Variants in MYH15 observed in about 807,000 individuals in gnomAD.
The protein encoded by MYH15 is myosin heavy chain 15.
In MYH15, 227 loss-of-function variants were observed where a neutral mutation model predicts 240.5. That is an observed-to-expected ratio of 0.94 (90% CI 0.85 to 1.05). MYH15 has a LOEUF of 1.05. Among genes scored for constraint, MYH15 ranks in the 50% least tolerant of loss-of-function variants. MYH15 has a pLI of 0.00. For synonymous variants in MYH15, 785 were observed against 796.7 expected, an observed-to-expected ratio of 0.99 and a Z score of 0.25; for missense variants, 2,217 against 2,247.5, an observed-to-expected ratio of 0.99 and a Z score of 0.27.
rs752597945 is a variant in MYH15, at chr3:108,391,757, T to C, written c.5430+3A>G. ...AAGCCCTCATGATTACCCAGACTCC[T>C]ACCCTGGATTCTAGTTTCTGGATTT... is the stretch of plus-strand genomic sequence containing the variant. On this transcript the variant is annotated splice_donor_region_variant and intron_variant, in intron 37 of 40. Transcript: ENST00000693548. The C allele has an allele frequency of 9.3e-6, 15 of 1,613,050 alleles. No homozygotes were observed. The highest frequency in any genetic ancestry group is 1.2e-5 in the Non-Finnish European group (14 of 1,179,536).
chr3:108,536,978 T>C, the MYH15 span, among the ~76,000 whole-genome samples: 10 of 152,154 alleles, frequency 6.6e-5, no homozygotes, highest in Non-Finnish European at 1.5e-5. Flanking sequence ...CAGCTACTTC[T>C]CCCACGTGGC....
intron 25 of MYH15, among the ~76,000 whole-genome samples, chr3:108,437,238 G>C (rs910560389): frequency 6.7e-6 from 1 of 149,350 alleles, no homozygotes; most frequent in African/African-American, 2.5e-5. Flanking sequence ...TGAGTAAAAA[G>C]AAGAGTGTCA....
In MYH15 at chr3:108,463,188, G is replaced by A; in HGVS notation, c.1787C>T (p.Thr596Ile). 6.2e-7 allele frequency: 1 copy of A among 1,612,954 alleles called. No individual in the cohort carries two copies. The highest frequency in any genetic ancestry group is 8.5e-7 in the Non-Finnish European group (1 of 1,179,442). ...LEKNKDLLNE[T>I]VVAVFQKSSN... ...AGACTTCTGAAATACAGCTACCACT[G>A]TTTCATTAAGGAGGTCTTTGTTCTT... Residue 596 changes from threonine to isoleucine, a missense_variant, in exon 16 of 41, where the codon ACA becomes ATA. Physicochemically the swap from Thr to Ile is moderately conservative, Grantham distance 89 (BLOSUM62 -1). Coordinates refer to ENST00000693548, the MANE Select transcript of MYH15 (RefSeq NM_014981.3).
upstream of MYH15, among the ~76,000 whole-genome samples, chr3:108,531,803 A>AATAAATACATAC: frequency 6.6e-6 from 1 of 150,764 alleles, no homozygotes; most frequent in East Asian, 1.9e-4. Flanking sequence ...TAAATAAATA[A>AATAAATACATAC]ATACATAAAT....
intron 35 of MYH15, among the ~76,000 whole-genome samples, chr3:108,395,623 T>G (rs2082454114): frequency 7.1e-6 from 1 of 140,464 alleles, no homozygotes; most frequent in South Asian, 2.3e-4. Flanking sequence ...CTAATTTGTT[T>G]TTTTTTTCTT....
chr3:108,421,252 G>C (rs751076219), intron 27 of MYH15, 38 bp from the exon 28 acceptor site: 10 of 1,599,922 alleles, frequency 6.3e-6, no homozygotes, highest in Non-Finnish European at 7.7e-6. Context: ...AGGGCTCACA[G>C]AGGATACTCT....
chr3:108,437,136 C>T (rs1323666651), intron 25 of MYH15, among the ~76,000 whole-genome samples: 1 of 150,494 alleles, frequency 6.6e-6, no homozygotes, highest in Non-Finnish European at 1.5e-5. Flanking sequence ...GTCTGGCAAA[C>T]ATATATTATT....
chr3:108,548,292 G>T, the MYH15 span, among the ~76,000 whole-genome samples: 1 of 152,032 alleles, frequency 6.6e-6, no homozygotes, highest in African/African-American at 2.4e-5. Context: ...GATAGAAAAA[G>T]ATATATCAGG....
intron 39 of MYH15, among the ~76,000 whole-genome samples, chr3:108,384,129 C>G (rs376274031): frequency 1.3e-5 from 2 of 152,224 alleles, no homozygotes; most frequent in East Asian, 3.9e-4. Flanking sequence ...TGGGCTAGAA[C>G]AGGTAGTGTT....
intron 38 of MYH15, among the ~76,000 whole-genome samples, chr3:108,385,745 CTTT>C (rs906583491): frequency 2.6e-5 from 4 of 152,052 alleles, no homozygotes; most frequent in African/African-American, 9.7e-5. Context: ...CAAGTATGAA[CTTT>C]TTTGGCAGCT....
At chr3:108,549,974 T>C in the MYH15 span, 1 of 152,022 alleles carries the variant, frequency 6.6e-6, no homozygotes, top group African/African-American at 2.4e-5. Flanking sequence ...GTATCTCCTC[T>C]ATAGAACAAA....
Position 108,410,806 on chromosome 3 carries a change from G to A in MYH15, c.4272C>T (p.Leu1424=), listed in dbSNP as rs751707221. 33 of 1,613,990 alleles carry A rather than the reference G, an allele frequency of 2.0e-5. No individual in the cohort carries two copies. Among genetic ancestry groups the A allele is most frequent in the Admixed American group, 6.7e-5 (4 of 60,010 alleles). Residue 1424 remains leucine (L), a synonymous_variant, in exon 31 of 41, where the codon CTC becomes CTT. Coordinates refer to ENST00000693548, the MANE Select transcript of MYH15 (RefSeq NM_014981.3). ...QLELGDALSD[L]GKVRSAAARL... ...TGGCTGCTGCAGAGCGGACCTTCCC[G>A]AGGTCAGACAGGGCGTCCCCGAGCT...
chr3:108,490,086 T>C (rs1253400583), intron 9 of MYH15, among the ~76,000 whole-genome samples: 2 of 151,798 alleles, frequency 1.3e-5, no homozygotes, highest in African/African-American at 4.9e-5. Context: ...AGTTGCTCTA[T>C]ACCATCCAGA....
chr3:108,501,948 G>T, intron 2 of MYH15, 93 bp from the exon 3 acceptor site: 1 of 1,373,326 alleles, frequency 7.3e-7, no homozygotes, highest in Non-Finnish European at 1.0e-6. Context: ...GACTCAAAAA[G>T]AAAAAATGAT....
chr3:108,445,765 T>G (rs1463928242), intron 21 of MYH15, among the ~76,000 whole-genome samples: 3 of 152,120 alleles, frequency 2.0e-5, no homozygotes, highest in Non-Finnish European at 4.4e-5. Flanking sequence ...ATCAAATAAT[T>G]ATGTTAAAAA....
chr3:108,475,045 A>C (rs2083208799), intron 12 of MYH15, among the ~76,000 whole-genome samples: 1 of 152,184 alleles, frequency 6.6e-6, no homozygotes, highest in African/African-American at 2.4e-5. Context: ...TAATAAATTG[A>C]TTTTGATCAG....
intron 6 of MYH15, among the ~76,000 whole-genome samples, chr3:108,497,029 C>T (rs1026265820): frequency 4.6e-5 from 7 of 151,276 alleles, no homozygotes; most frequent in African/African-American, 1.5e-4. Flanking sequence ...GGCACGGTGG[C>T]GGGCACCTGT....
At chr3:108,391,447 T>C (rs2082421959) in intron 37 of MYH15, among the ~76,000 whole-genome samples, 1 of 152,020 alleles carries the variant, frequency 6.6e-6, no homozygotes, top group African/African-American at 2.4e-5. Context: ...CTGCCAGGGG[T>C]GTGTTTGGAA....
At chr3:108,433,059 T>G (rs1015996111) in intron 25 of MYH15, among the ~76,000 whole-genome samples, 2 of 152,120 alleles carry the variant, frequency 1.3e-5, no homozygotes, top group African/African-American at 4.8e-5. Context: ...CTGCAGACAT[T>G]CAACACCAGC....
Sources: allele counts gnomAD v4.1 joint callset (sites outside exome capture counted in the v4.1 genomes callset), GRCh38; gene constraint gnomAD v4.1.1; transcripts MANE v1.5; gene names NCBI Gene and HGNC (gene_info 2026-07-23, HGNC 2026-07-21).